The following LOXL2 variants were observed in gnomAD, a reference collection of about 807,000 sequenced individuals.
The protein encoded by LOXL2 is lysyl oxidase like 2.
In LOXL2, 70 loss-of-function variants were observed where a neutral mutation model predicts 93.0. That is an observed-to-expected ratio of 0.75 (90% CI 0.62 to 0.92). The LOEUF (loss-of-function observed/expected upper bound fraction) is 0.92, where lower values mean the gene tolerates loss of function less well. Among genes scored for constraint, LOXL2 ranks in the 40% least tolerant of loss-of-function variants. The probability of loss-of-function intolerance (pLI) is 0.00; values close to 1 mark genes in which losing one functional copy is unlikely to be tolerated. For synonymous variants in LOXL2, 438 were observed against 413.2 expected, an observed-to-expected ratio of 1.06 and a Z score of -0.73; for missense variants, 973 against 1,054.9, an observed-to-expected ratio of 0.92 and a Z score of 1.08.
intron 10 of LOXL2, among the ~76,000 whole-genome samples, chr8:23,307,958 A>G (rs929317138): frequency 2.1e-4 from 32 of 149,380 alleles, no homozygotes; most frequent in East Asian, 1.4e-3. Context: ...GATATGAAAA[A>G]AAAAAAAAAA....
intron 2 of LOXL2, among the ~76,000 whole-genome samples, chr8:23,360,760 CGAT>C (rs952068712): frequency 2.0e-5 from 3 of 152,102 alleles, no homozygotes; most frequent in African/African-American, 7.2e-5. Flanking sequence ...ATAATGATGA[CGAT>C]GATGATGATG....
chr8:23,344,773 C>G (rs1803941946), intron 3 of LOXL2, among the ~76,000 whole-genome samples: 1 of 152,114 alleles, frequency 6.6e-6, no homozygotes, highest in Non-Finnish European at 1.5e-5. Context: ...GATCGTGTTC[C>G]TTGCAAGGCC....
intron 1 of LOXL2, among the ~76,000 whole-genome samples, chr8:23,396,441 G>A (rs565058840): frequency 2.6e-4 from 40 of 152,316 alleles, no homozygotes; most frequent in African/African-American, 9.6e-4. Context: ...AATGGGCTTA[G>A]ACTTGTGCTC....
chr8:23,307,021 T>C (rs1803239841), intron 10 of LOXL2, among the ~76,000 whole-genome samples: 1 of 152,184 alleles, frequency 6.6e-6, no homozygotes, highest in Non-Finnish European at 1.5e-5. Flanking sequence ...AGAGCTCTCT[T>C]CCCCGAGGTA....
At chr8:23,310,764 G>A (rs1554476134) in intron 9 of LOXL2, among the ~76,000 whole-genome samples, 2 of 152,196 alleles carry the variant, frequency 1.3e-5, no homozygotes, top group East Asian at 1.9e-4. Context: ...CTGCCCCACA[G>A]GAGAGTTTTC....
At position 23,368,422 on chromosome 8, in the gene LOXL2, C is replaced by G. The variant is rs568245529; in HGVS notation, c.-71G>C. 96 of 1,323,218 alleles carry G rather than the reference C, an allele frequency of 7.3e-5. 1 individual carries two copies. Among genetic ancestry groups the G allele is most frequent in the Non-Finnish European group, 8.8e-5 (82 of 931,840 alleles). The allele number at this position is 1,323,218 out of a possible 1,614,324, so 82.0% of individuals were successfully genotyped here. A position where few individuals can be genotyped will look rare whatever the true frequency, so the allele number is the denominator to read the frequency against. On this transcript the variant is annotated 5_prime_UTR_variant, in exon 2 of 14. Coordinates refer to ENST00000389131, the MANE Select transcript of LOXL2 (RefSeq NM_002318.3). ...GGGAGGGACAGGCGGGGTACAGAAG[C>G]AGCAGGAGCTTTCTGGAAGAGAGGA...
At chr8:23,353,023 GGGTGGGGTGA>G (rs1272271476) in intron 3 of LOXL2, among the ~76,000 whole-genome samples, 3 of 148,716 alleles carry the variant, frequency 2.0e-5, no homozygotes, top group Non-Finnish European at 4.5e-5. Flanking sequence ...GGGTGGAGTG[GGGTGGGGTGA>G]GGTGGGGAGG....
At chr8:23,379,512 C>A (rs1012109343) in intron 1 of LOXL2, among the ~76,000 whole-genome samples, 2 of 152,178 alleles carry the variant, frequency 1.3e-5, no homozygotes, top group Admixed American at 6.5e-5. Flanking sequence ...GCCTTTTGTT[C>A]GGCCATGCCC....
chr8:23,332,505 CACAT>C (rs1481443199), intron 5 of LOXL2, among the ~76,000 whole-genome samples: 1 of 96,758 alleles, frequency 1.0e-5, no homozygotes, highest in African/African-American at 4.1e-5. Flanking sequence ...CTCATACACA[CACAT>C]ACACATCCCT....
chr8:23,319,434 G>A lies in LOXL2; in HGVS notation c.1470+451C>T, dbSNP rs546773657. ...GAGAATGCATTAGGCACAGATGCCA[G>A]CGGGGAAACGTGTTCAGACCAGAGC... On this transcript the variant is annotated intron_variant, in intron 8 of 13. Coordinates refer to ENST00000389131, the MANE Select transcript of LOXL2 (RefSeq NM_002318.3). Among the ~76,000 whole-genome samples, 14 of 152,340 alleles carry A rather than the reference G, an allele frequency of 9.2e-5. No homozygotes were observed. In the South Asian group the frequency reaches 2.9e-3, roughly 32 times the overall value.
intron 1 of LOXL2, among the ~76,000 whole-genome samples, chr8:23,382,798 G>T (rs750261603): frequency 2.0e-5 from 3 of 152,174 alleles, no homozygotes; most frequent in African/African-American, 7.2e-5. Context: ...TCTGCTGCTA[G>T]AACTCCGTAA....
At chr8:23,330,093 A>T (rs554525477) in intron 5 of LOXL2, among the ~76,000 whole-genome samples, 1 of 152,234 alleles carries the variant, frequency 6.6e-6, no homozygotes, top group East Asian at 1.9e-4. Flanking sequence ...TGGGAGGCCA[A>T]GGCGGGTGGA....
chr8:23,358,057 G>A (rs947580252), intron 3 of LOXL2, among the ~76,000 whole-genome samples: 1 of 152,192 alleles, frequency 6.6e-6, no homozygotes, highest in African/African-American at 2.4e-5. Flanking sequence ...CCACATAAGT[G>A]GGGGCTAATT....
chr8:23,368,389 G>A lies in LOXL2; in HGVS notation c.-38C>T. On this transcript the variant is annotated 5_prime_UTR_variant, in exon 2 of 14. Transcript: ENST00000389131. ...GCTGATGATCCCACGAAGGGGCCCT[G>A]CGCAGCTGGGAGGGACAGGCGGGGT... 1.3e-6 allele frequency: 2 copies of A among 1,569,596 alleles called. No individual in the cohort carries two copies. Among genetic ancestry groups the A allele is most frequent in the Non-Finnish European group, 1.7e-6 (2 of 1,147,858 alleles).
At chr8:23,378,040 GT>G (rs547694312) in intron 1 of LOXL2, among the ~76,000 whole-genome samples, 419 of 152,308 alleles carry the variant, frequency 2.8e-3, no homozygotes, top group Non-Finnish European at 4.0e-3. Flanking sequence ...AGCATCAATG[GT>G]CTTTACAATT....
intron 1 of LOXL2, among the ~76,000 whole-genome samples, chr8:23,378,437 G>A (rs1300653814): frequency 2.0e-5 from 3 of 152,104 alleles, no homozygotes; most frequent in Non-Finnish European, 4.4e-5. Flanking sequence ...CTCTTCTCCA[G>A]GAGTATCTTT....
chr8:23,397,274 G>A (rs910489735), intron 1 of LOXL2, among the ~76,000 whole-genome samples: 2 of 152,278 alleles, frequency 1.3e-5, no homozygotes, highest in South Asian at 2.1e-4. Context: ...ACCAGAGATG[G>A]CTGATGGTGA....
At chr8:23,365,652 CAG>C (rs2117210869) in intron 2 of LOXL2, 1 of 152,222 alleles carries the variant, frequency 6.6e-6, no homozygotes, top group African/African-American at 2.4e-5. Flanking sequence ...CCTCCTCTCT[CAG>C]AGACTGTCCT....
chr8:23,344,888 A>G (rs7832355), intron 3 of LOXL2, among the ~76,000 whole-genome samples: 62,808 of 152,054 alleles, frequency 0.41, 14,100 homozygotes, highest in African/African-American at 0.6. Flanking sequence ...TTTAAGGCTC[A>G]AATCTACCGT....
Sources: allele counts gnomAD v4.1 joint callset (sites outside exome capture counted in the v4.1 genomes callset), GRCh38; gene constraint gnomAD v4.1.1; transcripts MANE v1.5; gene names NCBI Gene and HGNC (gene_info 2026-07-23, HGNC 2026-07-21).